Variants in DACH1 observed in about 807,000 individuals in gnomAD.
The protein encoded by DACH1 is dachshund family transcription factor 1.
Under a neutral mutation model 54.2 loss-of-function variants are expected in DACH1, and 12 were observed. That is an observed-to-expected ratio of 0.22 (90% CI 0.14 to 0.36). DACH1 has a LOEUF of 0.36. Ranked by LOEUF, DACH1 falls within the 10% of genes least tolerant of loss-of-function variation. The pLI, the probability that DACH1 is intolerant of heterozygous loss-of-function variation, is 1.00. For synonymous variants in DACH1, 386 were observed against 366.2 expected (o/e 1.05, Z -0.62); for missense variants, 805 against 929.8 (o/e 0.87, Z 1.75).
chr13:71,800,093 C>T (rs1887230133), intron 1 of DACH1, among the ~76,000 whole-genome samples: 1 of 152,068 alleles, frequency 6.6e-6, no homozygotes, highest in South Asian at 2.1e-4. Context: ...ACAGGCTAGC[C>T]TCAAGTGAGT....
intron 1 of DACH1, among the ~76,000 whole-genome samples, chr13:71,715,681 A>G (rs1265143659): frequency 6.6e-6 from 1 of 151,982 alleles, no homozygotes; most frequent in East Asian, 1.9e-4. Flanking sequence ...AGTATTTCCA[A>G]TGAGAACGAG....
intron 1 of DACH1, among the ~76,000 whole-genome samples, chr13:71,723,805 C>T (rs1163533694): frequency 3.9e-5 from 6 of 152,094 alleles, no homozygotes; most frequent in Non-Finnish European, 8.8e-5. Context: ...ATCCGCCCAC[C>T]TCAGCCTCTT....
At chr13:71,657,577 A>AC in intron 2 of DACH1, among the ~76,000 whole-genome samples, 1 of 140 alleles carries the variant, frequency 7.1e-3, no homozygotes, top group Non-Finnish European at 0.038. Flanking sequence ...TGTCTCAAAT[A>AC]AAAAAAAAAA....
chr13:71,769,322 A>C (rs1885760736), intron 1 of DACH1, among the ~76,000 whole-genome samples: 2 of 151,752 alleles, frequency 1.3e-5, no homozygotes, highest in South Asian at 4.1e-4. Context: ...TTATTCTAAC[A>C]AAGTGCCAAA....
At chr13:71,747,550 C>T (rs1884650096) in intron 1 of DACH1, among the ~76,000 whole-genome samples, 1 of 152,120 alleles carries the variant, frequency 6.6e-6, no homozygotes, top group Non-Finnish European at 1.5e-5. Flanking sequence ...CATTGCACTC[C>T]AGCCTGGGTG....
At chr13:71,714,455 A>G (rs1399819593) in intron 1 of DACH1, among the ~76,000 whole-genome samples, 1 of 152,124 alleles carries the variant, frequency 6.6e-6, no homozygotes, top group Admixed American at 6.6e-5. Flanking sequence ...TCATGTTTAT[A>G]GCAACAACTT....
At chr13:71,771,021 A>G (rs1295882296) in intron 1 of DACH1, among the ~76,000 whole-genome samples, 1 of 151,596 alleles carries the variant, frequency 6.6e-6, no homozygotes, top group Non-Finnish European at 1.5e-5. Context: ...CAAGTTAAAA[A>G]TAAACCTTGA....
intron 2 of DACH1, 152 bp from the exon 3 acceptor site, chr13:71,630,869 C>T: frequency 3.5e-6 from 3 of 862,460 alleles, no homozygotes; most frequent in Non-Finnish European, 4.9e-6. Context: ...CCCAACTAGA[C>T]AATGAAACAA....
chr13:71,507,081 C>A (rs914377348), intron 6 of DACH1, among the ~76,000 whole-genome samples: 2 of 151,616 alleles, frequency 1.3e-5, no homozygotes, highest in Non-Finnish European at 2.9e-5. Flanking sequence ...TAAAGAGCTT[C>A]TGCACAGCAA....
chr13:71,529,182 G>GGTTTTTTTTTT (rs1882222783), intron 6 of DACH1, among the ~76,000 whole-genome samples: 1 of 119,732 alleles, frequency 8.4e-6, no homozygotes, highest in African/African-American at 3.2e-5. Flanking sequence ...TTGTGATTTG[G>GGTTTTTTTTTT]GTTTTTTTTT....
intron 10 of DACH1, among the ~76,000 whole-genome samples, chr13:71,453,823 CT>C (rs1385838243): frequency 6.6e-6 from 1 of 152,128 alleles, no homozygotes; most frequent in Non-Finnish European, 1.5e-5. Context: ...GCTCTCAAAA[CT>C]TTTCAGTAAA....
intron 3 of DACH1, among the ~76,000 whole-genome samples, chr13:71,580,212 T>C (rs543840893): frequency 9.3e-4 from 142 of 152,304 alleles, no homozygotes; most frequent in African/African-American, 3.1e-3. Context: ...AATAAAGCAG[T>C]TTGGTATAAA....
At chr13:71,708,726 A>G (rs1882563892) in intron 1 of DACH1, among the ~76,000 whole-genome samples, 1 of 152,098 alleles carries the variant, frequency 6.6e-6, no homozygotes. Flanking sequence ...TAAGCAAGCT[A>G]ATATCTTCCA....
At chr13:71,837,548 A>G (rs912670508) in intron 1 of DACH1, among the ~76,000 whole-genome samples, 1 of 152,056 alleles carries the variant, frequency 6.6e-6, no homozygotes, top group African/African-American at 2.4e-5. Context: ...AAACCCTGAA[A>G]ATTAACACGG....
At chr13:71,625,262 C>T (rs893803120) in intron 3 of DACH1, among the ~76,000 whole-genome samples, 3 of 151,956 alleles carry the variant, frequency 2.0e-5, no homozygotes, top group Non-Finnish European at 4.4e-5. Flanking sequence ...ATTAACATTG[C>T]CAAGGCAGAG....
At chr13:71,504,331 T>C (rs1880146163) in intron 6 of DACH1, among the ~76,000 whole-genome samples, 2 of 152,146 alleles carry the variant, frequency 1.3e-5, no homozygotes, top group East Asian at 3.8e-4. Context: ...AAAAGAAACA[T>C]TGTGTTATCT....
At chr13:71,766,783 T>C (rs1885647752) in intron 1 of DACH1, among the ~76,000 whole-genome samples, 1 of 151,890 alleles carries the variant, frequency 6.6e-6, no homozygotes. Flanking sequence ...AAAAACAATT[T>C]CAATACATGA....
intron 1 of DACH1, among the ~76,000 whole-genome samples, chr13:71,716,898 TG>T (rs1427910806): frequency 6.6e-6 from 1 of 152,182 alleles, no homozygotes; most frequent in Non-Finnish European, 1.5e-5. Context: ...ACATGTGCCA[TG>T]GTGGTTTGCT....
chr13:71,698,352 A>G (rs1009422587), intron 1 of DACH1, among the ~76,000 whole-genome samples: 2 of 152,208 alleles, frequency 1.3e-5, no homozygotes, highest in Admixed American at 6.5e-5. Flanking sequence ...AATCAAATAT[A>G]AAATATCATA....
Sources: gnomAD v4.1 joint callset for allele counts (sites outside exome capture counted in the v4.1 genomes callset) on GRCh38, gnomAD v4.1.1 for gene constraint, MANE v1.5 for transcripts, NCBI Gene and HGNC (gene_info 2026-07-23, HGNC 2026-07-21) for gene names.